The following ANXA8 variants were observed in gnomAD, a reference collection of about 807,000 sequenced individuals.
ANXA8 encodes annexin A8, also known as VAC-beta.
A neutral mutation model predicts 26.8 loss-of-function variants in ANXA8; 9 were observed. That is an observed-to-expected ratio of 0.34 (90% confidence interval 0.20 to 0.59). The LOEUF (loss-of-function observed/expected upper bound fraction) is 0.59. Among genes scored for constraint, ANXA8 ranks in the 20% least tolerant of loss-of-function variants. The probability of loss-of-function intolerance (pLI) is 0.84; values close to 1 mark genes in which losing one functional copy is unlikely to be tolerated. For synonymous variants in ANXA8, 39 were observed against 94.8 expected, an observed-to-expected ratio of 0.41 and a Z score of 3.42; for missense variants, 83 against 238.5, an observed-to-expected ratio of 0.35 and a Z score of 4.29.
the ANXA8 span, among the ~76,000 whole-genome samples, chr10:47,552,478 A>G: frequency 6.6e-6 from 1 of 152,060 alleles, no homozygotes; most frequent in Non-Finnish European, 1.5e-5. Flanking sequence ...TGAACTTCCA[A>G]TAGGATCGCA....
chr10:47,957,872 G>T, the ANXA8 span, among the ~76,000 whole-genome samples: 2 of 149,950 alleles, frequency 1.3e-5, no homozygotes, highest in Admixed American at 1.3e-4. Context: ...ATCTAACAAA[G>T]TACTGGTATC....
At position 47,468,355 on chromosome 10, in the gene ANXA8, T is replaced by C. The variant is rs1158039138; in HGVS notation, c.*492A>G. ...TTTCTCAGCTGCTGAAGGATGTGTG[T>C]TCTAAAACAAAAGGGCTCCCAGCCA... On this transcript the variant is annotated 3_prime_UTR_variant, in exon 12 of 12. Transcript: ENST00000585281. 5.4e-6 allele frequency: 1 copy of C among 186,390 alleles called. No homozygotes were observed. The highest frequency in any genetic ancestry group is 1.1e-5 in the Non-Finnish European group (1 of 89,428). The allele number at this position is 186,390 out of a possible 1,614,324, so 11.5% of individuals were successfully genotyped here. A position where few individuals can be genotyped will look rare whatever the true frequency, so the allele number is the denominator to read the frequency against.
the ANXA8 span, among the ~76,000 whole-genome samples, chr10:47,695,108 T>C: frequency 1.3e-5 from 2 of 150,410 alleles, no homozygotes; most frequent in Admixed American, 6.6e-5. Flanking sequence ...CTGAAGAACA[T>C]GCATCCTGAA....
chr10:47,914,974 A>C, the ANXA8 span, among the ~76,000 whole-genome samples: 1 of 152,290 alleles, frequency 6.6e-6, no homozygotes, highest in Non-Finnish European at 1.5e-5. Flanking sequence ...ATGTGTGAGG[A>C]TCTTTGGTTC....
the ANXA8 span, among the ~76,000 whole-genome samples, chr10:47,720,808 G>T: frequency 7.2e-6 from 1 of 139,746 alleles, no homozygotes; most frequent in African/African-American, 2.6e-5. Flanking sequence ...AATGAATTTT[G>T]CTATTACTGT....
the ANXA8 span, among the ~76,000 whole-genome samples, chr10:47,727,445 T>G: frequency 1.3e-5 from 2 of 152,216 alleles, no homozygotes; most frequent in Admixed American, 1.3e-4. Flanking sequence ...TGTGATTGCT[T>G]TATCTTTCAA....
the ANXA8 span, among the ~76,000 whole-genome samples, chr10:47,551,545 C>G: frequency 6.6e-6 from 1 of 151,924 alleles, no homozygotes; most frequent in Admixed American, 6.6e-5. Context: ...GGGCAAGAAA[C>G]GCCAACCAGT....
chr10:47,974,092 T>C, the ANXA8 span, among the ~76,000 whole-genome samples: 8 of 151,102 alleles, frequency 5.3e-5, no homozygotes, highest in East Asian at 1.6e-3. Flanking sequence ...GGATCTTTTG[T>C]ATTTCTGCAT....
chr10:47,594,273 C>T, the ANXA8 span, among the ~76,000 whole-genome samples: 2 of 147,952 alleles, frequency 1.4e-5, no homozygotes, highest in Non-Finnish European at 3.0e-5. Flanking sequence ...AATACAAACC[C>T]CATCTAAATG....
the ANXA8 span, chr10:47,970,633 G>T: frequency 6.6e-6 from 1 of 151,424 alleles, no homozygotes; most frequent in African/African-American, 2.4e-5. Context: ...GTGACTAATT[G>T]TAGGTGTGTA....
chr10:47,777,804 A>G, the ANXA8 span, among the ~76,000 whole-genome samples: 1 of 151,730 alleles, frequency 6.6e-6, no homozygotes, highest in African/African-American at 2.4e-5. Flanking sequence ...TTTTTTTTAG[A>G]GAGAAGGTCT....
the ANXA8 span, among the ~76,000 whole-genome samples, chr10:47,688,613 G>T: frequency 2.6e-5 from 4 of 151,176 alleles, no homozygotes; most frequent in South Asian, 8.4e-4. Context: ...GTAGAGATGG[G>T]GTTTTGCCAT....
the ANXA8 span, among the ~76,000 whole-genome samples, chr10:47,777,153 G>A: frequency 7.2e-4 from 109 of 151,548 alleles, 1 homozygote; most frequent in African/African-American, 2.5e-3. Context: ...TGTGATCGGG[G>A]GCAATTAGCA....
chr10:47,686,839 CT>C, the ANXA8 span, among the ~76,000 whole-genome samples: 1 of 151,358 alleles, frequency 6.6e-6, no homozygotes, highest in Non-Finnish European at 1.5e-5. Context: ...ATAGTGAAAA[CT>C]TTTATAACAA....
At chr10:47,563,514 C>T in the ANXA8 span, 3 of 693,360 alleles carry the variant, frequency 4.3e-6, no homozygotes, top group Non-Finnish European at 7.8e-6. Context: ...CAATTTGTAG[C>T]TTTCTTTTTT....
chr10:47,551,766 A>G, the ANXA8 span: 9 of 359,632 alleles, frequency 2.5e-5, no homozygotes, highest in East Asian at 4.8e-4. Context: ...CGAGACATCC[A>G]CACAGCAGAC....
the ANXA8 span, among the ~76,000 whole-genome samples, chr10:47,906,749 G>GT: frequency 1.1e-3 from 15 of 14,134 alleles, no homozygotes; most frequent in East Asian, 0.034. Flanking sequence ...GATCGGGATC[G>GT]TAACTAAGCT....
the ANXA8 span, among the ~76,000 whole-genome samples, chr10:47,622,092 A>G: frequency 8.9e-6 from 1 of 112,402 alleles, no homozygotes; most frequent in Non-Finnish European, 1.9e-5. Context: ...GTTATAAAGA[A>G]AAAGTTTGCT....
At chr10:47,673,626 G>A in the ANXA8 span, among the ~76,000 whole-genome samples, 9 of 151,720 alleles carry the variant, frequency 5.9e-5, no homozygotes, top group East Asian at 1.9e-4. Context: ...TGACCGTGGC[G>A]CTTAATGCAG....
Sources: allele counts gnomAD v4.1 joint callset (sites outside exome capture counted in the v4.1 genomes callset), GRCh38; gene constraint gnomAD v4.1.1; transcripts MANE v1.5; gene names NCBI Gene and HGNC (gene_info 2026-07-23, HGNC 2026-07-21).